SS18L2: variants seen among roughly 807,000 people sequenced by gnomAD.
SS18L2 encodes the protein SS18 like 2.
SS18L2 carries 8 observed loss-of-function variants against 10.3 expected under a neutral mutation model. The ratio of observed to expected loss-of-function variants is 0.78; its 90% CI spans 0.46 to 1.41. The LOEUF is 1.41. Ranked by LOEUF, SS18L2 falls within the 40% of genes most tolerant of loss-of-function variation. The pLI, the probability that SS18L2 is intolerant of heterozygous loss-of-function variation, is 0.00. For synonymous variants in SS18L2, 41 were observed against 34.6 expected (o/e 1.19, Z -0.65); for missense variants, 100 against 96.2 (o/e 1.04, Z -0.17).
intron 1 of SS18L2, among the ~76,000 whole-genome samples, chr3:42,582,645 TCAAA>T (rs1212178225): frequency 1.3e-5 from 2 of 152,304 alleles, no homozygotes; most frequent in South Asian, 2.1e-4. Context: ...AGAGCACCCT[TCAAA>T]CAATCAAACA....
chr3:42,589,201 A>G (rs1255277836), upstream of SS18L2, among the ~76,000 whole-genome samples: 1 of 150,742 alleles, frequency 6.6e-6, no homozygotes, highest in Non-Finnish European at 1.5e-5. Flanking sequence ...CCCGGGAGGC[A>G]GAGGTTGCAG....
intron 2 of SS18L2, among the ~76,000 whole-genome samples, chr3:42,593,216 C>A (rs892728578): frequency 1.3e-5 from 2 of 152,094 alleles, no homozygotes; most frequent in African/African-American, 4.8e-5. Context: ...AGTTCAATAC[C>A]AGCCTGGCCA....
upstream of SS18L2, among the ~76,000 whole-genome samples, chr3:42,589,663 C>A (rs1577371199): frequency 6.6e-6 from 1 of 152,196 alleles, no homozygotes; most frequent in African/African-American, 2.4e-5. Flanking sequence ...CTATTGTGAA[C>A]TGGACTTGCA....
rs1312588154 is a variant in SS18L2 at position 42,591,611 on chromosome 3, C to A, written c.146+10C>A. The A allele has an allele frequency of 1.2e-6, 2 of 1,602,614 alleles. No homozygotes were observed. Among genetic ancestry groups the A allele is most frequent in the South Asian group, 1.1e-5 (1 of 90,870 alleles). ...GGAACGAGTGCGTGCAGTAAGTACC[C>A]CCACCCCCGCGCCCCTGACCTGTGG... On this transcript the variant is annotated intron_variant, in intron 2 of 2. Transcript: ENST00000011691.
intron 1 of SS18L2, among the ~76,000 whole-genome samples, chr3:42,583,501 C>T (rs1704502465): frequency 1.3e-5 from 2 of 152,134 alleles, no homozygotes; most frequent in South Asian, 4.1e-4. Context: ...TGATCTTGAG[C>T]TCCATCTTAG....
upstream of SS18L2, chr3:42,590,734 G>C: frequency 1.3e-6 from 1 of 766,096 alleles, no homozygotes; most frequent in Non-Finnish European, 2.3e-6. Flanking sequence ...TGGGGGCTGG[G>C]ACCGAGGAAA....
upstream of SS18L2, among the ~76,000 whole-genome samples, chr3:42,588,238 C>T (rs1039542970): frequency 1.3e-5 from 2 of 151,882 alleles, no homozygotes; most frequent in Non-Finnish European, 2.9e-5. Context: ...CCCATCTCTA[C>T]TAAAAATACA....
chr3:42,588,402 A>G (rs1218049001), upstream of SS18L2, among the ~76,000 whole-genome samples: 2 of 152,132 alleles, frequency 1.3e-5, no homozygotes, highest in African/African-American at 2.4e-5. Context: ...AAGACTTTGT[A>G]TCAAAAAACA....
At chr3:42,582,948 T>G (rs1441835934) in intron 1 of SS18L2, among the ~76,000 whole-genome samples, 2 of 152,208 alleles carry the variant, frequency 1.3e-5, no homozygotes, top group Non-Finnish European at 1.5e-5. Context: ...ATAGTAGTGA[T>G]GATCACACAA....
intron 1 of SS18L2, chr3:42,582,330 T>C (rs1437738872): frequency 1.3e-5 from 2 of 152,264 alleles, no homozygotes; most frequent in Non-Finnish European, 1.5e-5. Context: ...GACAGAGTGA[T>C]AACGCCCGGG....
upstream of SS18L2, among the ~76,000 whole-genome samples, chr3:42,589,730 AAG>A (rs982026151): frequency 6.6e-6 from 1 of 152,298 alleles, no homozygotes; most frequent in Admixed American, 6.5e-5. Context: ...TGTGAGGTAA[AAG>A]AGTTTCATAC....
At chr3:42,593,410 C>T (rs969678222) in intron 2 of SS18L2, among the ~76,000 whole-genome samples, 1 of 152,130 alleles carries the variant, frequency 6.6e-6, no homozygotes, top group African/African-American at 2.4e-5. Context: ...GAGCAAGACT[C>T]CGTCTCAATA....
intron 2 of SS18L2, among the ~76,000 whole-genome samples, chr3:42,593,697 A>G (rs1325179988): frequency 6.6e-6 from 1 of 152,176 alleles, no homozygotes; most frequent in African/African-American, 2.4e-5. Context: ...CTATAAGGAA[A>G]TGTATAATTA....
At chr3:42,591,189 A>G (rs1181998864) in intron 1 of SS18L2, 8 of 572,254 alleles carry the variant, frequency 1.4e-5, no homozygotes, top group Non-Finnish European at 2.4e-5. Flanking sequence ...CACTGCACTA[A>G]CCCTTTCTCT....
upstream of SS18L2, among the ~76,000 whole-genome samples, chr3:42,586,561 T>C (rs1052845759): frequency 1.3e-5 from 2 of 150,684 alleles, no homozygotes; most frequent in Non-Finnish European, 2.9e-5. Flanking sequence ...ATTGCTGTCC[T>C]GTATGTCCTT....
chr3:42,589,074 C>A (rs1704718104), upstream of SS18L2, among the ~76,000 whole-genome samples: 1 of 151,756 alleles, frequency 6.6e-6, no homozygotes, highest in South Asian at 2.1e-4. Flanking sequence ...ACTAGCCTGA[C>A]CAATATGGTG....
chr3:42,592,025 C>T (rs1271394815), intron 2 of SS18L2, among the ~76,000 whole-genome samples: 1 of 152,092 alleles, frequency 6.6e-6, no homozygotes, highest in African/African-American at 2.4e-5. Flanking sequence ...TTCTAACTTC[C>T]CGTCAGTCTG....
At chr3:42,594,070 C>A (rs1485375841) in intron 2 of SS18L2, among the ~76,000 whole-genome samples, 1 of 152,090 alleles carries the variant, frequency 6.6e-6, no homozygotes, top group African/African-American at 2.4e-5. Flanking sequence ...GAGATGGGAG[C>A]CTTTGGAAGG....
chr3:42,584,323 C>T (rs936856174), intron 1 of SS18L2, among the ~76,000 whole-genome samples: 1 of 152,174 alleles, frequency 6.6e-6, no homozygotes, highest in African/African-American at 2.4e-5. Context: ...GGCACAATCT[C>T]GGCCCACTGC....
Sources: allele counts gnomAD v4.1 joint callset (sites outside exome capture counted in the v4.1 genomes callset), GRCh38; gene constraint gnomAD v4.1.1; transcripts MANE v1.5; gene names NCBI Gene and HGNC (gene_info 2026-07-23, HGNC 2026-07-21).